Variants in MEMO1 observed in about 807,000 individuals in gnomAD.
MEMO1 encodes the protein protein MEMO1.
A neutral mutation model predicts 45.2 loss-of-function variants in MEMO1; 6 were observed. The observed-to-expected ratio is 0.13, with a 90% CI of 0.07 to 0.26. The LOEUF is 0.26. Ranked by LOEUF, MEMO1 falls within the 10% of genes least tolerant of loss-of-function variation. The probability of loss-of-function intolerance (pLI) is 1.00; values close to 1 mark genes in which losing one functional copy is unlikely to be tolerated. For synonymous variants in MEMO1, 78 were observed against 124.3 expected, an observed-to-expected ratio of 0.63 and a Z score of 2.48; for missense variants, 184 against 370.5, an observed-to-expected ratio of 0.50 and a Z score of 4.13.
chr2:31,884,553 TA>T (rs1324994155), intron 7 of MEMO1, among the ~76,000 whole-genome samples: 1 of 152,262 alleles, frequency 6.6e-6, no homozygotes, highest in South Asian at 2.1e-4. Context: ...TTCATCTTAC[TA>T]AAAAAATTAT....
intron 2 of MEMO1, among the ~76,000 whole-genome samples, chr2:31,943,640 C>T (rs1342278002): frequency 6.6e-6 from 1 of 152,138 alleles, no homozygotes; most frequent in Non-Finnish European, 1.5e-5. Flanking sequence ...TTCAGAGCAA[C>T]ACAATGTGAT....
At chr2:31,920,936 C>A in intron 4 of MEMO1, 26 bp from the exon 5 acceptor site, 1 of 1,438,534 alleles carries the variant, frequency 7.0e-7, no homozygotes, top group African/African-American at 1.4e-5. Context: ...CAAAAAAACA[C>A]GTAACAATTG....
intron 6 of MEMO1, among the ~76,000 whole-genome samples, chr2:31,901,620 G>A (rs1678830701): frequency 1.3e-5 from 2 of 151,876 alleles, no homozygotes; most frequent in Admixed American, 6.6e-5. Flanking sequence ...ATGAAAACAT[G>A]TTCTGGCCAG....
At chr2:31,919,983 C>CGT (rs1558503428) in intron 5 of MEMO1, among the ~76,000 whole-genome samples, 3 of 148,284 alleles carry the variant, frequency 2.0e-5, no homozygotes, top group African/African-American at 7.5e-5. Flanking sequence ...TGTGTACATG[C>CGT]GTGTGTGTGA....
intron 7 of MEMO1, among the ~76,000 whole-genome samples, chr2:31,891,263 C>T (rs372731385): frequency 9.9e-5 from 15 of 152,178 alleles, no homozygotes; most frequent in African/African-American, 3.4e-4. Context: ...CTAAAACGAA[C>T]AAAACTTAGA....
At chr2:31,936,351 T>G (rs1301226980) in intron 3 of MEMO1, among the ~76,000 whole-genome samples, 1 of 152,192 alleles carries the variant, frequency 6.6e-6, no homozygotes, top group Non-Finnish European at 1.5e-5. Context: ...ATTCCCAACC[T>G]AACATATCAT....
chr2:31,941,842 A>T (rs1349928661), intron 3 of MEMO1, among the ~76,000 whole-genome samples: 1 of 152,204 alleles, frequency 6.6e-6, no homozygotes, highest in Admixed American at 6.5e-5. Flanking sequence ...ATTTAACAAA[A>T]TATTTGGTAT....
At chr2:32,005,318 CAAAAA>C (rs1305881226) in intron 2 of MEMO1, among the ~76,000 whole-genome samples, 2 of 57,316 alleles carry the variant, frequency 3.5e-5, no homozygotes, top group African/African-American at 6.8e-5. Context: ...ACTCTGTCAC[CAAAAA>C]AAAAAAAAAA....
chr2:31,983,450 T>C (rs989088515), intron 2 of MEMO1, among the ~76,000 whole-genome samples: 5 of 152,178 alleles, frequency 3.3e-5, no homozygotes, highest in African/African-American at 1.2e-4. Flanking sequence ...TTTTTGTTTT[T>C]GAGACAGAGT....
Position 31,905,934 on chromosome 2 carries a change from T to C in MEMO1, c.437+11992A>G, listed in dbSNP as rs115152935. On this transcript the variant is annotated intron_variant, in intron 6 of 9. Transcript: ENST00000404530. ...TTCCAACTCCAATCCATCCTTCATA[T>C]TGCCATCACACCATCAAGGAGAGCT... is the stretch of plus-strand genomic sequence containing the variant. Among the ~76,000 whole-genome samples the C allele has an allele frequency of 6.1e-3, 926 of 152,300 alleles. 12 individuals are homozygous for C. The highest frequency in any genetic ancestry group is 0.021 in the African/African-American group (868 of 41,582).
chr2:32,009,493 C>T (rs964107193), intron 2 of MEMO1, among the ~76,000 whole-genome samples: 1 of 152,034 alleles, frequency 6.6e-6, no homozygotes, highest in African/African-American at 2.4e-5. Flanking sequence ...AGTCTGGTAA[C>T]GTAAAAAAGT....
At chr2:31,926,376 G>GAA (rs35245442) in intron 4 of MEMO1, among the ~76,000 whole-genome samples, 1 of 120,210 alleles carries the variant, frequency 8.3e-6, no homozygotes, top group Admixed American at 8.5e-5. Flanking sequence ...TCTCAAAAGG[G>GAA]AAAAAAAAAA....
At chr2:31,870,093 T>C (rs1003102704) in intron 8 of MEMO1, 141 bp from the exon 9 acceptor site, 1 of 665,538 alleles carries the variant, frequency 1.5e-6, no homozygotes, top group Non-Finnish European at 2.2e-6. Context: ...TAAATAAACC[T>C]TGTGAAACAT....
intron 5 of MEMO1, among the ~76,000 whole-genome samples, chr2:31,920,086 G>A (rs901461696): frequency 6.6e-6 from 1 of 151,552 alleles, no homozygotes; most frequent in Non-Finnish European, 1.5e-5. Context: ...GAGAAATTCT[G>A]AATAAATTGT....
intron 9 of MEMO1, among the ~76,000 whole-genome samples, chr2:31,868,795 T>G (rs901834156): frequency 1.3e-5 from 2 of 152,198 alleles, no homozygotes; most frequent in African/African-American, 4.8e-5. Context: ...ATATTTCTCT[T>G]TACCGTATAA....
intron 2 of MEMO1, among the ~76,000 whole-genome samples, chr2:31,966,732 C>CAAAAAAA (rs758359349): frequency 7.6e-5 from 9 of 117,836 alleles, no homozygotes; most frequent in Non-Finnish European, 1.3e-4. Flanking sequence ...GACTCTGTCT[C>CAAAAAAA]AAAAAAAAAA....
At position 31,903,417 on chromosome 2, in the gene MEMO1, CAG is replaced by C. The variant is rs893118407; in HGVS notation, c.438-11285_438-11284del. On this transcript the variant is annotated intron_variant, in intron 6 of 9. Transcript: ENST00000404530. ...GTTTGAAAATACTCACAGAAAAAAA[CAG>C]GGGGGTGGGGGGGGACAAAAAGTTA... Among the ~76,000 whole-genome samples, 7 of 6,262 alleles carry C rather than the reference CAG, an allele frequency of 1.1e-3. No homozygotes were observed. In the Admixed American group the frequency reaches 0.013, roughly 12 times the overall value. 4.1% of individuals were successfully genotyped at this position (6,262 alleles called of 152,430 possible).
intron 4 of MEMO1, among the ~76,000 whole-genome samples, chr2:31,923,172 A>G (rs888317844): frequency 1.4e-4 from 21 of 152,092 alleles, no homozygotes; most frequent in African/African-American, 5.1e-4. Context: ...CCACTCTATT[A>G]TCAGGTGGTA....
chr2:31,923,329 G>A (rs1553366966), intron 4 of MEMO1, among the ~76,000 whole-genome samples: 3 of 151,944 alleles, frequency 2.0e-5, no homozygotes, highest in Non-Finnish European at 4.4e-5. Context: ...TTTCTTGCTC[G>A]TTAATTTAAG....
Sources: gnomAD v4.1 joint callset for allele counts (sites outside exome capture counted in the v4.1 genomes callset) on GRCh38, gnomAD v4.1.1 for gene constraint, MANE v1.5 for transcripts, NCBI Gene and HGNC (gene_info 2026-07-23, HGNC 2026-07-21) for gene names.